The following CRYBG3 variants were observed in gnomAD, a reference collection of about 807,000 sequenced individuals.
CRYBG3 encodes the protein very large A-kinase anchor protein.
Under a neutral mutation model 244.2 loss-of-function variants are expected in CRYBG3, and 127 were observed. That is an observed-to-expected ratio of 0.52 (90% CI 0.45 to 0.60). CRYBG3 has a LOEUF of 0.60. Ranked by LOEUF, CRYBG3 falls within the 20% of genes least tolerant of loss-of-function variation. CRYBG3 has a pLI of 0.00. For missense variants in CRYBG3, 3,325 were observed against 3,442.5 expected (o/e 0.97, Z 0.85); for synonymous variants, 1,132 against 1,195.8 (o/e 0.95, Z 1.10).
intron 3 of CRYBG3, chr3:97,867,227 GA>G (rs1476459871): frequency 6.7e-6 from 1 of 148,804 alleles, no homozygotes; most frequent in African/African-American, 2.4e-5. Flanking sequence ...ATTTTTTTTT[GA>G]AAAAATTATT....
At chr3:97,845,752 A>C (rs1337892046) in intron 2 of CRYBG3, among the ~76,000 whole-genome samples, 1 of 152,006 alleles carries the variant, frequency 6.6e-6, no homozygotes, top group Non-Finnish European at 1.5e-5. Context: ...CTTGACTACT[A>C]CTATCCCTCC....
intron 2 of CRYBG3, among the ~76,000 whole-genome samples, chr3:97,855,384 C>T (rs2039049049): frequency 6.6e-6 from 1 of 151,896 alleles, no homozygotes; most frequent in Admixed American, 6.6e-5. Flanking sequence ...AATTCTGTCT[C>T]CTTTGATTTT....
intron 11 of CRYBG3, 79 bp downstream of exon 11, chr3:97,893,072 A>C (rs1506441): frequency 0.5 from 617,026 of 1,227,598 alleles, 159,025 homozygotes; most frequent in East Asian, 0.7. Context: ...GCAAAGCAAA[A>C]ATGATTTGTT....
intron 2 of CRYBG3, among the ~76,000 whole-genome samples, chr3:97,849,016 G>A (rs2038945730): frequency 6.6e-6 from 1 of 152,202 alleles, no homozygotes; most frequent in Non-Finnish European, 1.5e-5. Flanking sequence ...AAAGAACACA[G>A]TCTTTGTAAC....
At position 97,843,347 on chromosome 3, in the gene CRYBG3, C is replaced by A; in HGVS notation, c.216+86C>A. ...TTTTAGATTCTGTCATCTTATTTTA[C>A]ATTTCAAAAAGAACACTGTATAATT... On this transcript the variant is annotated intron_variant, in intron 2 of 21. Transcript: ENST00000389622. 3 of 774,860 alleles carry A rather than the reference C, an allele frequency of 3.9e-6. No individual in the cohort carries two copies. The South Asian group carries it at 5.4e-5, about 14-fold the overall frequency. The allele number at this position is 774,860 out of a possible 1,614,324, so 48.0% of individuals were successfully genotyped here. A position where few individuals can be genotyped will look rare whatever the true frequency, so the allele number is the denominator to read the frequency against.
chr3:97,905,520 G>C (rs10935145), intron 15 of CRYBG3, among the ~76,000 whole-genome samples: 13 of 152,120 alleles, frequency 8.5e-5, no homozygotes, highest in South Asian at 4.2e-4. Flanking sequence ...TTTCATGTGT[G>C]TTTTGGCTGC....
chr3:97,871,783 G>A, intron 3 of CRYBG3, 59 bp from the exon 4 acceptor site: 2 of 1,214,624 alleles, frequency 1.6e-6, no homozygotes, highest in Non-Finnish European at 2.2e-6. Context: ...CAGTTGCTGG[G>A]ATTAGTATTA....
At chr3:97,832,773 T>C (rs958064105) in intron 1 of CRYBG3, among the ~76,000 whole-genome samples, 48 of 151,954 alleles carry the variant, frequency 3.2e-4, no homozygotes, top group African/African-American at 1.2e-3. Flanking sequence ...ATCATCAGAG[T>C]GAACAGGCAA....
chr3:97,823,707 TA>T (rs2038540364), intron 1 of CRYBG3, among the ~76,000 whole-genome samples: 1 of 152,224 alleles, frequency 6.6e-6, no homozygotes. Flanking sequence ...GTAACAGCAC[TA>T]ACAGTCTTGG....
Position 97,874,496 on chromosome 3 carries a change from A to G in CRYBG3, c.3302A>G (p.Asn1101Ser), listed in dbSNP as rs1181430057. 2.6e-6 allele frequency: 4 copies of G among 1,534,300 alleles called. No homozygotes were observed. The highest frequency in any genetic ancestry group is 3.5e-6 in the Non-Finnish European group (4 of 1,146,196). Residue 1101 changes from asparagine (N) to serine (S), a missense_variant, in exon 4 of 22, where the codon AAC (asparagine) becomes AGC (serine). This residue lies in a region of CRYBG3 where 1,526 missense variants were observed against 1,443.2 expected (regional missense o/e 1.06). Transcript: ENST00000389622. The part of the protein sequence containing the change: ...DLTHEGTSVT[N>S]LLYPTTSYLE... ...ACACATGAAGGTACCTCTGTAACTAACCTGTTGTACCCTACTACCTCTTAT... is the reference window on the plus strand; with the variant it reads ...ACACATGAAGGTACCTCTGTAACTAGCCTGTTGTACCCTACTACCTCTTAT...
At chr3:97,905,659 A>T (rs2039764437) in intron 15 of CRYBG3, among the ~76,000 whole-genome samples, 1 of 149,284 alleles carries the variant, frequency 6.7e-6, no homozygotes, top group Non-Finnish European at 1.5e-5. Context: ...TTGTCAGATG[A>T]GTAGGTTGTG....
chr3:97,912,856 A>G (rs1389802109), intron 16 of CRYBG3, among the ~76,000 whole-genome samples: 2 of 152,130 alleles, frequency 1.3e-5, no homozygotes, highest in East Asian at 1.9e-4. Context: ...TGGCTAAAAT[A>G]TATTCTACAA....
At position 97,874,174 on chromosome 3, in the gene CRYBG3, TC is replaced by T. The variant is rs1225106008; in HGVS notation, c.2984del (p.Pro995LeufsTer9). 1 of 1,529,540 alleles carries T rather than the reference TC, an allele frequency of 6.5e-7. No homozygotes were observed. Among genetic ancestry groups the T allele is most frequent in the South Asian group, 1.2e-5 (1 of 82,124 alleles). The allele number at this position is 1,529,540 out of a possible 1,614,324, so 94.7% of individuals were successfully genotyped here. ...GGCGGAACTCAGCTTAACTAATATT[TC>T]CCCTAAATTCCAAGAAACTGGCAGC... is the stretch of plus-strand genomic sequence containing the variant. Reference protein sequence around the residue: ...EMAELSLTNISPKFQETGSMK... With the variant: ...EMAELSLTNIXPKFQETGSMK... On this transcript the variant is annotated frameshift_variant, in exon 4 of 22. Transcript: ENST00000389622. LOFTEE classifies it high-confidence loss of function.
chr3:97,936,929 A>G, intron 19 of CRYBG3, 21 bp downstream of exon 19: 1 of 1,606,192 alleles, frequency 6.2e-7, no homozygotes, highest in Non-Finnish European at 8.5e-7. Context: ...AAGAACCATA[A>G]GATTCCAAAT....
intron 3 of CRYBG3, among the ~76,000 whole-genome samples, chr3:97,871,627 A>T (rs1303965861): frequency 1.3e-5 from 2 of 152,184 alleles, no homozygotes; most frequent in East Asian, 3.8e-4. Context: ...AGGAGGTCAA[A>T]CATTCTTCAT....
At chr3:97,891,304 A>C (rs2039572910) in intron 10 of CRYBG3, among the ~76,000 whole-genome samples, 1 of 152,194 alleles carries the variant, frequency 6.6e-6, no homozygotes, top group Admixed American at 6.6e-5. Context: ...AGATGATCCC[A>C]GTATTTGGGT....
chr3:97,881,864 A>G (rs558051050), intron 7 of CRYBG3, among the ~76,000 whole-genome samples: 15 of 152,094 alleles, frequency 9.9e-5, no homozygotes, highest in Non-Finnish European at 2.2e-4. Flanking sequence ...ATAGTATACT[A>G]CTATATTAGT....
chr3:97,937,192 T>C (rs1239718939), intron 19 of CRYBG3, among the ~76,000 whole-genome samples: 4 of 152,122 alleles, frequency 2.6e-5, no homozygotes, highest in Admixed American at 6.6e-5. Flanking sequence ...GTAACAGGAA[T>C]GAACTTTGAT....
chr3:97,881,424 A>C (rs2108224324), intron 7 of CRYBG3, among the ~76,000 whole-genome samples: 1 of 152,306 alleles, frequency 6.6e-6, no homozygotes, highest in South Asian at 2.1e-4. Context: ...AGTTTATAAA[A>C]TGTTACATGG....
Sources: gnomAD v4.1 joint callset for allele counts (sites outside exome capture counted in the v4.1 genomes callset) on GRCh38, gnomAD v4.1.1 for gene constraint, gnomAD v4.1.1 regional missense constraint, MANE v1.5 for transcripts, NCBI Gene and HGNC (gene_info 2026-07-23, HGNC 2026-07-21) for gene names.